Variants in SEM1 observed in about 807,000 individuals in gnomAD.
SEM1 encodes the protein 26S proteasome complex subunit SEM1.
A neutral mutation model predicts 12.7 loss-of-function variants in SEM1; 3 were observed. The observed-to-expected ratio is 0.24, with a 90% CI of 0.11 to 0.61. The LOEUF is 0.61. Among genes scored for constraint, SEM1 ranks in the 20% least tolerant of loss-of-function variants. The pLI is 0.88. For synonymous variants in SEM1, 30 were observed against 27.8 expected, an observed-to-expected ratio of 1.08 and a Z score of -0.25; for missense variants, 59 against 81.3, an observed-to-expected ratio of 0.73 and a Z score of 1.06.
At chr7:96,598,395 T>A (rs77388075) in intron 2 of SEM1, among the ~76,000 whole-genome samples, 1 of 118,846 alleles carries the variant, frequency 8.4e-6, no homozygotes, top group Admixed American at 7.8e-5. Context: ...CAGACTTGGA[T>A]TTTTTTTTTT....
At chr7:96,564,352 T>C (rs1487171948) in intron 2 of SEM1, among the ~76,000 whole-genome samples, 2 of 151,822 alleles carry the variant, frequency 1.3e-5, no homozygotes, top group Non-Finnish European at 2.9e-5. Context: ...GCACCACTAA[T>C]AGGAGCAATG....
At chr7:96,527,333 C>A (rs1186391260) in intron 2 of SEM1, among the ~76,000 whole-genome samples, 1 of 152,074 alleles carries the variant, frequency 6.6e-6, no homozygotes, top group Non-Finnish European at 1.5e-5. Context: ...GCGGCAAAGG[C>A]CCCTGGGTAA....
intron 2 of SEM1, among the ~76,000 whole-genome samples, chr7:96,662,514 T>C (rs1038078983): frequency 2.6e-5 from 4 of 151,944 alleles, no homozygotes; most frequent in African/African-American, 9.7e-5. Flanking sequence ...CGCTGGGGCC[T>C]GTCAGGGGGT....
chr7:96,562,546 T>G (rs747697647), intron 2 of SEM1, among the ~76,000 whole-genome samples: 2 of 152,138 alleles, frequency 1.3e-5, no homozygotes, highest in Non-Finnish European at 1.5e-5. Context: ...ATGATAGAGA[T>G]TTCCTCCTTT....
intron 2 of SEM1, among the ~76,000 whole-genome samples, chr7:96,553,614 G>C (rs1805372451): frequency 6.6e-6 from 1 of 152,212 alleles, no homozygotes; most frequent in Non-Finnish European, 1.5e-5. Context: ...AGTATAGTTT[G>C]AAGTCGGGTA....
downstream of SEM1, among the ~76,000 whole-genome samples, chr7:96,618,173 G>C (rs185403038): frequency 2.4e-4 from 36 of 152,062 alleles, no homozygotes; most frequent in East Asian, 7.0e-3. Context: ...TGTTGTTGTT[G>C]GGAGACTTTT....
In SEM1 at chr7:96,551,010, GA is replaced by G. The variant is rs1805251247; in HGVS notation, c.171-44313del. On this transcript the variant is annotated intron_variant and NMD_transcript_variant, in intron 2 of 3. Coordinates refer to the SEM1 transcript ENST00000466986. ...CTATGTGCATCAGTTCAGGTCCTCT[GA>G]GAAACACTCACCAAGAAGAGATAGA... is the stretch of plus-strand genomic sequence containing the variant. Among the ~76,000 whole-genome samples the G allele has an allele frequency of 2.0e-5, 3 of 152,268 alleles. No homozygotes were observed. In the East Asian group the frequency reaches 5.8e-4, roughly 29 times the overall value.
chr7:96,527,739 GAT>G (rs769340539), intron 2 of SEM1, among the ~76,000 whole-genome samples: 5 of 152,048 alleles, frequency 3.3e-5, no homozygotes, highest in Non-Finnish European at 5.9e-5. Flanking sequence ...CTTTTCATGA[GAT>G]AACAAAATAT....
chr7:96,639,669 A>G (rs1808529532), intron 2 of SEM1, among the ~76,000 whole-genome samples: 1 of 151,918 alleles, frequency 6.6e-6, no homozygotes, highest in East Asian at 1.9e-4. Flanking sequence ...GGGTTTGGTA[A>G]TGACTTTTTA....
At chr7:96,692,916 A>G (rs1416804297) in intron 2 of SEM1, among the ~76,000 whole-genome samples, 1 of 152,132 alleles carries the variant, frequency 6.6e-6, no homozygotes. Flanking sequence ...GGGTACTAGA[A>G]GAACCAAAAG....
chr7:96,487,656 G>A lies in SEM1; in HGVS notation c.13-1239C>T, dbSNP rs190507798. 4.0e-5 allele frequency among the ~76,000 whole-genome samples: 6 copies of A among 150,238 alleles called. No homozygotes were observed. The East Asian group carries it at 1.2e-3, about 29-fold the overall frequency. On this transcript the variant is annotated intron_variant, in intron 1 of 3. Transcript: ENST00000356686. ...AACTAAATCCCAAAACTAGAGGCAT[G>A]ACTTGCCCAGGACTACATGGCACAT...
At chr7:96,687,872 TG>T (rs1789809540), downstream of SEM1, 1 of 152,136 alleles carries the variant, frequency 6.6e-6, no homozygotes, top group African/African-American at 2.4e-5. Flanking sequence ...TTATTCCATT[TG>T]ATCATCTAGC....
chr7:96,559,946 G>A (rs1467258843), intron 2 of SEM1, among the ~76,000 whole-genome samples: 1 of 152,200 alleles, frequency 6.6e-6, no homozygotes, highest in Non-Finnish European at 1.5e-5. Flanking sequence ...CTTGAAGAAG[G>A]TGCTGCCTTG....
chr7:96,613,639 A>C (rs1168666419), intron 2 of SEM1, among the ~76,000 whole-genome samples: 1 of 152,246 alleles, frequency 6.6e-6, no homozygotes, highest in East Asian at 1.9e-4. Context: ...TCACCAGAAC[A>C]GGAAGACCTG....
At chr7:96,516,524 A>G (rs1052755244) in intron 2 of SEM1, among the ~76,000 whole-genome samples, 1 of 152,194 alleles carries the variant, frequency 6.6e-6, no homozygotes, top group African/African-American at 2.4e-5. Context: ...AATTAAAACA[A>G]CAGTAGGATA....
At chr7:96,662,513 CT>C (rs1281957782) in intron 2 of SEM1, among the ~76,000 whole-genome samples, 1 of 152,028 alleles carries the variant, frequency 6.6e-6, no homozygotes, top group African/African-American at 2.4e-5. Context: ...ACGCTGGGGC[CT>C]GTCAGGGGGT....
chr7:96,497,254 A>C (rs1803324982), upstream of SEM1, among the ~76,000 whole-genome samples: 1 of 152,114 alleles, frequency 6.6e-6, no homozygotes, highest in South Asian at 2.1e-4. Flanking sequence ...AAAACAAAAA[A>C]AATCAAATTT....
At chr7:96,509,937 T>A (rs1350387171) in intron 2 of SEM1, among the ~76,000 whole-genome samples, 2 of 152,112 alleles carry the variant, frequency 1.3e-5, no homozygotes, top group Non-Finnish European at 2.9e-5. Flanking sequence ...GTACATACTT[T>A]CAGCTGGAAT....
At chr7:96,604,308 A>G (rs2116205185) in intron 2 of SEM1, among the ~76,000 whole-genome samples, 1 of 152,268 alleles carries the variant, frequency 6.6e-6, no homozygotes, top group South Asian at 2.1e-4. Context: ...TGGCTTCCAC[A>G]TGTCTCTGGT....
Sources: gnomAD v4.1 joint callset for allele counts (sites outside exome capture counted in the v4.1 genomes callset) on GRCh38, gnomAD v4.1.1 for gene constraint, MANE v1.5 for transcripts, NCBI Gene and HGNC (gene_info 2026-07-23, HGNC 2026-07-21) for gene names.